AHNAK: variants seen among roughly 807,000 people sequenced by gnomAD.
The protein encoded by AHNAK is neuroblast differentiation-associated protein AHNAK.
In AHNAK, 23 loss-of-function variants were observed where a neutral mutation model predicts 37.8. That is an observed-to-expected ratio of 0.61 (90% CI 0.44 to 0.86). The LOEUF (loss-of-function observed/expected upper bound fraction) is 0.86. Among genes scored for constraint, AHNAK ranks in the 40% least tolerant of loss-of-function variants. The pLI is 0.00. For missense variants in AHNAK, 7,411 were observed against 7,319.4 expected (o/e 1.01, Z -0.46); for synonymous variants, 2,481 against 2,636.3 (o/e 0.94, Z 1.80).
Position 62,522,079 on chromosome 11 carries a change from T to C in AHNAK, c.12338A>G (p.Lys4113Arg). The C allele has an allele frequency of 6.2e-7, 1 of 1,613,956 alleles. No individual in the cohort carries two copies. Among genetic ancestry groups the C allele is most frequent in the Non-Finnish European group, 8.5e-7 (1 of 1,179,992 alleles). ...GTCAGGCATTTTAAATTTGGGGCCC[T>C]TCAGTTTCCCTTCTGGACCATGAAT... Reference protein sequence around the residue: ...IDIHGPEGKLKGPKFKMPDLH... With the variant: ...IDIHGPEGKLRGPKFKMPDLH... The change falls in exon 5 of 5, where the codon AAG (lysine) becomes AGG (arginine). Residue 4113 changes from lysine (K) to arginine (R), a missense_variant. Lys to Arg is a conservative substitution (Grantham distance 26). Transcript: ENST00000378024.
In AHNAK at chr11:62,527,533, A is replaced by G. The variant is rs756504944; in HGVS notation, c.6884T>C (p.Leu2295Pro). 18 of 1,612,774 alleles carry G rather than the reference A, an allele frequency of 1.1e-5. No homozygotes were observed. The highest frequency in any genetic ancestry group is 1.5e-5 in the Non-Finnish European group (18 of 1,179,724). ...DVSLEGPEGK[L>P]KGPKFKMPEM... is the part of the protein sequence containing the mutation. ...AGGCATCTTAAACTTGGGGCCCTTC[A>G]GCTTCCCTTCTGGACCTTCAAGGCT... is the stretch of plus-strand genomic sequence containing the variant. The change falls in exon 5 of 5, where the codon CTG becomes CCG. Residue 2295 changes from leucine to proline, a missense_variant. Physicochemically the swap from Leu to Pro is moderately conservative, Grantham distance 98. Coordinates refer to ENST00000378024, the MANE Select transcript of AHNAK (RefSeq NM_001620.3).
In AHNAK at chr11:62,448,719, A is replaced by G. The variant is rs548434960; in HGVS notation, c.443-14828T>C. Among the ~76,000 whole-genome samples the G allele has an allele frequency of 7.2e-5, 11 of 152,350 alleles. No homozygotes were observed. The East Asian group carries it at 1.9e-3, about 27-fold the overall frequency. Reference sequence around the variant, plus strand: ...CAAGTGAAGAAGAAAGGGGCAGCTCAGTGTTCAAGGCTGGAGCCCAAGGAG... The same window carrying G: ...CAAGTGAAGAAGAAAGGGGCAGCTCGGTGTTCAAGGCTGGAGCCCAAGGAG... On this transcript the variant is annotated intron_variant, in intron 5 of 5. Transcript: ENST00000257247.
Position 62,516,823 on chromosome 11 carries a change from G to A in AHNAK, c.17594C>T (p.Ser5865Phe), listed in dbSNP as rs373911183. ...CTTATTCCCACTGTCATTGCTAGAA[G>A]AGGAGGACAGTCGGGACTTCTTAGA... ...LASKKSRLSS[S>F]SSNDSGNKVG... The change falls in exon 5 of 5, where the codon TCT becomes TTT. Residue 5865 changes from serine to phenylalanine, a missense_variant. Ser to Phe is a radical substitution (Grantham distance 155, BLOSUM62 -2). Transcript: ENST00000378024. 9.3e-6 allele frequency: 15 copies of A among 1,614,042 alleles called. No individual in the cohort carries two copies. In the Admixed American group the frequency reaches 1.7e-4, roughly 18 times the overall value.
intron 5 of AHNAK, among the ~76,000 whole-genome samples, chr11:62,479,167 C>CTTTTTTTTTTTTTTTTTTTTTT (rs33929407): frequency 7.7e-5 from 9 of 116,244 alleles, no homozygotes; most frequent in East Asian, 2.5e-4. Context: ...TTTCTTTTTT[C>CTTTTTTTTTTTTTTTTTTTTTT]TTTTTTTTTT....
At chr11:62,495,678 G>A (rs1391245196) in intron 4 of AHNAK, among the ~76,000 whole-genome samples, 4 of 151,382 alleles carry the variant, frequency 2.6e-5, no homozygotes, top group Non-Finnish European at 5.9e-5. Context: ...GGCAGAGGTT[G>A]CAGTGAGCCG....
rs751943799 is a variant in AHNAK, at chr11:62,519,838, C to T, written c.14579G>A (p.Gly4860Glu). ...SIPDVDLDLK[G>E]PKVKGDFDVS... is the part of the protein sequence containing the mutation. ...ATCAAAATCTCCTTTTACTTTGGGT[C>T]CTTTCAAATCCAGGTCAACATCAGG... Residue 4860 changes from glycine to glutamate, a missense_variant, in exon 5 of 5, where the codon GGA (glycine) becomes GAA (glutamate). Gly to Glu is a moderately conservative substitution (Grantham distance 98). Coordinates refer to ENST00000378024, the MANE Select transcript of AHNAK (RefSeq NM_001620.3). 1.2e-6 allele frequency: 2 copies of T among 1,614,036 alleles called. No homozygotes were observed. The highest frequency in any genetic ancestry group is 8.5e-7 in the Non-Finnish European group (1 of 1,180,032).
Position 62,531,267 on chromosome 11 carries a change from C to T in AHNAK, c.3150G>A (p.Leu1050=). The T allele has an allele frequency of 6.2e-7, 1 of 1,613,648 alleles. No individual in the cohort carries two copies. The highest frequency in any genetic ancestry group is 1.1e-5 in the South Asian group (1 of 90,990). ...CAGGCATCTTAAACTTCGGGCCTTT[C>T]AACTTCCCTTCAGGTCCTTCAAGGC... ...DLSLEGPEGK[L]KGPKFKMPEM... is the part of the protein sequence containing the mutation. The change falls in exon 5 of 5, where the codon TTG becomes TTA. Residue 1050 remains leucine, a synonymous_variant. Coordinates refer to ENST00000378024, the MANE Select transcript of AHNAK (RefSeq NM_001620.3).
intron 5 of AHNAK, among the ~76,000 whole-genome samples, chr11:62,463,306 A>G (rs1300277271): frequency 2.0e-4 from 31 of 152,208 alleles, no homozygotes; most frequent in Admixed American, 2.0e-3. Context: ...TGCAGAGAGT[A>G]CACACCCCAC....
chr11:62,512,788 G>A (rs1170499150), downstream of AHNAK, among the ~76,000 whole-genome samples: 1 of 150,660 alleles, frequency 6.6e-6, no homozygotes, highest in Non-Finnish European at 1.5e-5. The surrounding 1 kb of genome is among the most constrained non-coding windows in gnomAD (Gnocchi z 4.0). Flanking sequence ...CTTGAGAGGT[G>A]GAGGTTGCAA....
intron 4 of AHNAK, among the ~76,000 whole-genome samples, chr11:62,492,665 C>T (rs11826756): frequency 0.14 from 21,659 of 151,558 alleles, 3,836 homozygotes; most frequent in African/African-American, 0.42. Context: ...GCCTAGGAGT[C>T]CCACACCAGC....
At chr11:62,503,456 G>A (rs1459833035) in intron 4 of AHNAK, among the ~76,000 whole-genome samples, 4 of 151,904 alleles carry the variant, frequency 2.6e-5, no homozygotes, top group Non-Finnish European at 5.9e-5. Context: ...GGTGGCGGGC[G>A]CCTGTAATCT....
chr11:62,529,897 T>C lies in AHNAK; in HGVS notation c.4520A>G (p.His1507Arg). 1 of 1,612,986 alleles carries C rather than the reference T, an allele frequency of 6.2e-7. No individual in the cohort carries two copies. Among genetic ancestry groups the C allele is most frequent in the Non-Finnish European group, 8.5e-7 (1 of 1,179,718 alleles). ...CATTTTTACCTTGGGCATCTTCAGG[T>C]GCCAGTCTGGGCCATGAACCTCCAC... ...PDVEVHGPDW[H>R]LKMPKVKMPK... The change falls in exon 5 of 5, where the codon CAC becomes CGC. Residue 1507 changes from histidine to arginine, a missense_variant. His to Arg is a conservative substitution (Grantham distance 29). Transcript: ENST00000378024.
In AHNAK at chr11:62,535,243, C is replaced by T. The variant is rs778790495; in HGVS notation, c.155-53G>A. ...AAGGCCCAAAGAGCCTCAGGGAAAC[C>T]GCACACAGCCACCACACACTGGGCA... On this transcript the variant is annotated intron_variant, in intron 3 of 4. Coordinates refer to ENST00000378024, the MANE Select transcript of AHNAK (RefSeq NM_001620.3). 1.2e-5 allele frequency: 18 copies of T among 1,512,470 alleles called. 1 individual carries two copies. The highest frequency in any genetic ancestry group is 7.0e-5 in the East Asian group (3 of 43,122). 93.7% of individuals were successfully genotyped at this position (1,512,470 alleles called of 1,614,324 possible).
rs554684784 is a variant in AHNAK at position 62,529,229 on chromosome 11, G to A, written c.5188C>T (p.Pro1730Ser). Residue 1730 changes from proline (P) to serine (S), a missense_variant, in exon 5 of 5, where the codon CCT becomes TCT. By Grantham distance (74) the Pro-to-Ser change is moderately conservative (BLOSUM62 -1). Transcript: ENST00000378024. The stretch of plus-strand genomic sequence containing the variant: ...TTTGGCAGATTCACATCCACTTCAG[G>A]GCCCTCTGCTTTGAAGCCAGGCATA... ...FSMPGFKAEG[P>S]EVDVNLPKAD... 7 of 1,613,942 alleles carry A rather than the reference G, an allele frequency of 4.3e-6. No homozygotes were observed. In the African/African-American group the frequency reaches 5.3e-5, roughly 12 times the overall value.
chr11:62,463,732 GT>G (rs1938841891), intron 5 of AHNAK, among the ~76,000 whole-genome samples: 1 of 151,802 alleles, frequency 6.6e-6, no homozygotes, highest in African/African-American at 2.4e-5. Flanking sequence ...TGTTTGTTTG[GT>G]TGGTTGGTTG....
At chr11:62,485,701 C>CAAA (rs1286819688) in intron 5 of AHNAK, among the ~76,000 whole-genome samples, 1,935 of 51,876 alleles carry the variant, frequency 0.037, 85 homozygotes, top group African/African-American at 0.11. Flanking sequence ...GACTCCATCT[C>CAAA]AAAAAAAAAA....
At chr11:62,487,557 C>T (rs1380009268) in intron 5 of AHNAK, among the ~76,000 whole-genome samples, 2 of 152,070 alleles carry the variant, frequency 1.3e-5, no homozygotes, top group Admixed American at 6.5e-5. Flanking sequence ...TCGCCGGTGG[C>T]GCAGTCTCGG....
intron 4 of AHNAK, among the ~76,000 whole-genome samples, chr11:62,508,756 T>TCCCGG (rs1939856419): frequency 6.6e-6 from 1 of 152,216 alleles, no homozygotes; most frequent in Non-Finnish European, 1.5e-5. Flanking sequence ...CACATGGCAT[T>TCCCGG]CCCGGCCCGT....
chr11:62,525,285 C>G lies in AHNAK; in HGVS notation c.9132G>C (p.Val3044=), dbSNP rs1940432749. Residue 3044 remains valine, a synonymous_variant, in exon 5 of 5, where the codon GTG becomes GTC. Transcript: ENST00000378024. ...GFKGEGPDVD[V]NLPKADLDVS... Reference sequence around the variant, plus strand: ...CATCAAGGTCAGCCTTGGGCAGGTTCACATCCACATCTGGGCCCTCTCCTT... The same window carrying G: ...CATCAAGGTCAGCCTTGGGCAGGTTGACATCCACATCTGGGCCCTCTCCTT... 1.2e-6 allele frequency: 2 copies of G among 1,612,944 alleles called. No homozygotes were observed. The highest frequency in any genetic ancestry group is 1.7e-5 in the Admixed American group (1 of 59,892).
Sources: gnomAD v4.1 joint callset for allele counts (sites outside exome capture counted in the v4.1 genomes callset) on GRCh38, gnomAD v4.1.1 for gene constraint, Gnocchi (gnomAD v3.1) non-coding constraint, MANE v1.5 for transcripts, NCBI Gene and HGNC (gene_info 2026-07-23, HGNC 2026-07-21) for gene names.